Variants in RBP7 observed in about 807,000 individuals in gnomAD.
RBP7 encodes retinol binding protein 7, also known as retinoid-binding protein 7.
RBP7 carries 13 observed loss-of-function variants against 16.7 expected under a neutral mutation model. That is an observed-to-expected ratio of 0.78 (90% CI 0.51 to 1.24). The LOEUF is 1.24. RBP7 is among the 50% of genes most tolerant of loss of function. RBP7 has a pLI of 0.00. For missense variants in RBP7, 145 were observed against 159.5 expected, an observed-to-expected ratio of 0.91 and a Z score of 0.49; for synonymous variants, 54 against 56.2, an observed-to-expected ratio of 0.96 and a Z score of 0.17.
intron 1 of RBP7, among the ~76,000 whole-genome samples, chr1:10,001,714 G>A (rs1642283047): frequency 1.3e-5 from 2 of 152,102 alleles, no homozygotes; most frequent in South Asian, 4.1e-4. Context: ...GCAAGTCCTC[G>A]CCTTTAGTCC....
chr1:10,014,865 G>C (rs897698280), intron 3 of RBP7, among the ~76,000 whole-genome samples: 22 of 152,304 alleles, frequency 1.4e-4, no homozygotes, highest in African/African-American at 5.1e-4. Flanking sequence ...GGTGTCTGAA[G>C]CTGGGGGGAG....
intron 3 of RBP7, among the ~76,000 whole-genome samples, chr1:10,015,575 G>C (rs1170627213): frequency 1.3e-5 from 2 of 151,840 alleles, no homozygotes; most frequent in Non-Finnish European, 1.5e-5. Flanking sequence ...GAGGTGGGAG[G>C]ATCGCTTGAG....
chr1:10,001,110 C>G (rs1460439255), intron 1 of RBP7, among the ~76,000 whole-genome samples: 4 of 152,102 alleles, frequency 2.6e-5, no homozygotes, highest in Admixed American at 6.6e-5. Flanking sequence ...AAGTCACCAG[C>G]AAATACACAG....
chr1:10,010,232 C>CA (rs1642575187), intron 3 of RBP7, among the ~76,000 whole-genome samples: 1 of 152,112 alleles, frequency 6.6e-6, no homozygotes, highest in Non-Finnish European at 1.5e-5. Flanking sequence ...TCTCCTGTCT[C>CA]AGCCTCCCAA....
intron 3 of RBP7, among the ~76,000 whole-genome samples, chr1:10,009,341 C>T (rs984375104): frequency 1.1e-4 from 17 of 151,850 alleles, no homozygotes; most frequent in African/African-American, 3.6e-4. Context: ...ACCAGTTAGT[C>T]GGAGGTTGCA....
chr1:10,003,043 G>A (rs1347916660), intron 1 of RBP7, among the ~76,000 whole-genome samples: 1 of 152,128 alleles, frequency 6.6e-6, no homozygotes, highest in Non-Finnish European at 1.5e-5. Flanking sequence ...GTTTACCATT[G>A]CCATGGCAAC....
chr1:10,008,113 C>T (rs1642500492), intron 2 of RBP7, 60 bp from the exon 3 acceptor site: 1 of 1,118,212 alleles, frequency 8.9e-7, no homozygotes, highest in Non-Finnish European at 1.4e-6. Flanking sequence ...TGGCATTCTA[C>T]TTCGTAACAC....
At chr1:10,009,231 GA>G (rs2101737487) in intron 3 of RBP7, among the ~76,000 whole-genome samples, 1 of 152,088 alleles carries the variant, frequency 6.6e-6, no homozygotes, top group East Asian at 2.0e-4. Flanking sequence ...CCAACATGGT[GA>G]AACCCCGTCT....
chr1:10,005,128 A>T (rs1642406423), intron 1 of RBP7, among the ~76,000 whole-genome samples: 1 of 152,198 alleles, frequency 6.6e-6, no homozygotes, highest in Admixed American at 6.6e-5. Flanking sequence ...ATTTAAACAC[A>T]CACACACAAG....
chr1:10,008,402 G>T, intron 3 of RBP7, 128 bp downstream of exon 3: 1 of 577,992 alleles, frequency 1.7e-6, no homozygotes, highest in Non-Finnish European at 3.1e-6. Flanking sequence ...CTTGAGGTCA[G>T]GAGACTAGCC....
intron 1 of RBP7, among the ~76,000 whole-genome samples, chr1:9,999,340 A>G (rs1006859495): frequency 7.2e-5 from 11 of 152,074 alleles, no homozygotes; most frequent in African/African-American, 2.7e-4. Flanking sequence ...TGAGGTCAGG[A>G]GTTCAAGACC....
Position 9,997,406 on chromosome 1 carries a change from G to A in RBP7, c.73+75G>A. The A allele has an allele frequency of 2.1e-6, 3 of 1,437,236 alleles. No homozygotes were observed. Among genetic ancestry groups the A allele is most frequent in the East Asian group, 2.3e-5 (1 of 42,908 alleles). The allele number at this position is 1,437,236 out of a possible 1,614,324, so 89.0% of individuals were successfully genotyped here. A position where few individuals can be genotyped will look rare whatever the true frequency, so the allele number is the denominator to read the frequency against. On this transcript the variant is annotated intron_variant, in intron 1 of 3. Transcript: ENST00000294435. The surrounding 1 kb of genome is among the most constrained non-coding windows in gnomAD (Gnocchi z 5.9). ...GGATCAGGCGAAGGCGGCCGGGCCG[G>A]GCCTGTAGGTACGTCCTCTGTCCGT... is the stretch of plus-strand genomic sequence containing the variant.
At chr1:10,009,077 T>TC (rs1346689572) in intron 3 of RBP7, among the ~76,000 whole-genome samples, 1 of 152,062 alleles carries the variant, frequency 6.6e-6, no homozygotes, top group Non-Finnish European at 1.5e-5. Context: ...ATTTTGAAAT[T>TC]CCCCAAGGCT....
At chr1:10,006,899 T>C (rs566463864) in intron 1 of RBP7, 25 of 414,668 alleles carry the variant, frequency 6.0e-5, no homozygotes, top group South Asian at 3.8e-4. Context: ...GGCAGAGTTA[T>C]GACTGAGGCT....
intron 1 of RBP7, among the ~76,000 whole-genome samples, chr1:10,003,743 TCA>T (rs1642342333): frequency 6.6e-6 from 1 of 152,142 alleles, no homozygotes; most frequent in Non-Finnish European, 1.5e-5. Flanking sequence ...ACAAATTGCC[TCA>T]CATATTTTAT....
intron 1 of RBP7, among the ~76,000 whole-genome samples, chr1:10,002,963 A>G (rs1165927007): frequency 6.6e-6 from 1 of 152,194 alleles, no homozygotes; most frequent in Non-Finnish European, 1.5e-5. Flanking sequence ...GACCAAACTG[A>G]GGACTAACTA....
intron 1 of RBP7, among the ~76,000 whole-genome samples, chr1:10,000,464 G>A (rs539877936): frequency 5.2e-4 from 79 of 151,916 alleles, no homozygotes; most frequent in African/African-American, 1.8e-3. Context: ...AACCTGAGAG[G>A]TGGAGGTTGC....
chr1:10,011,447 G>A (rs181256975), intron 3 of RBP7, among the ~76,000 whole-genome samples: 94 of 152,256 alleles, frequency 6.2e-4, no homozygotes, highest in Admixed American at 5.3e-3. Context: ...AGGTTACAGC[G>A]GCCTTTCACA....
intron 1 of RBP7, among the ~76,000 whole-genome samples, chr1:10,002,848 C>T (rs775887376): frequency 7.2e-5 from 11 of 152,044 alleles, no homozygotes; most frequent in Non-Finnish European, 1.6e-4. Context: ...TTTAAAGAGG[C>T]CAGCCTTGTA....
Sources: gnomAD v4.1 joint callset for allele counts (sites outside exome capture counted in the v4.1 genomes callset) on GRCh38, gnomAD v4.1.1 for gene constraint, Gnocchi (gnomAD v3.1) non-coding constraint, MANE v1.5 for transcripts, NCBI Gene and HGNC (gene_info 2026-07-23, HGNC 2026-07-21) for gene names.